The following CDH23 variants were observed in gnomAD, a reference collection of about 807,000 sequenced individuals.
The protein encoded by CDH23 is cadherin-23.
CDH23 carries 189 observed loss-of-function variants against 317.1 expected under a neutral mutation model. The ratio of observed to expected loss-of-function variants is 0.60; its 90% confidence interval spans 0.53 to 0.67. CDH23 has a LOEUF of 0.67. CDH23 is among the 30% of genes least tolerant of loss of function. The pLI, the probability that CDH23 is intolerant of heterozygous loss-of-function variation, is 0.00. For synonymous variants in CDH23, 1,839 were observed against 1,876.8 expected, an observed-to-expected ratio of 0.98 and a Z score of 0.52; for missense variants, 4,401 against 4,592.4, an observed-to-expected ratio of 0.96 and a Z score of 1.20.
chr10:71,593,546 C>T (rs1250343849), intron 9 of CDH23, among the ~76,000 whole-genome samples: 1 of 152,062 alleles, frequency 6.6e-6, no homozygotes, highest in Non-Finnish European at 1.5e-5. Context: ...GAAATTTTTG[C>T]AACAATTAAA....
intron 9 of CDH23, among the ~76,000 whole-genome samples, chr10:71,605,974 G>A (rs1365389655): frequency 6.6e-6 from 1 of 152,228 alleles, no homozygotes; most frequent in Non-Finnish European, 1.5e-5. Context: ...AACATCCTCA[G>A]AGGACCAGGG....
chr10:71,673,164 A>G (rs1864216443), intron 14 of CDH23, among the ~76,000 whole-genome samples: 2 of 152,136 alleles, frequency 1.3e-5, no homozygotes, highest in African/African-American at 4.8e-5. Context: ...TGAAGCATCT[A>G]CTGCATGCCA....
intron 6 of CDH23, among the ~76,000 whole-genome samples, chr10:71,533,525 C>CCCCACACACACACA (rs1249775933): frequency 9.9e-5 from 13 of 130,750 alleles, no homozygotes; most frequent in African/African-American, 3.6e-4. Flanking sequence ...TGGCTGGACA[C>CCCCACACACACACA]CACACACACA....
At chr10:71,464,402 G>A (rs1282481530) in intron 3 of CDH23, among the ~76,000 whole-genome samples, 1 of 152,204 alleles carries the variant, frequency 6.6e-6, no homozygotes, top group African/African-American at 2.4e-5. Flanking sequence ...AGCCAAGACT[G>A]AAATCCAAGG....
At position 71,577,887 on chromosome 10, in the gene CDH23, C is replaced by T. The variant is rs760084586; in HGVS notation, c.754-27C>T. The stretch of plus-strand genomic sequence containing the variant: ...AAAGACAGCAGCCAGGGGACCCAAA[C>T]TCAAGTCCCTCCTCTCTTCTGCCCA... On this transcript the variant is annotated intron_variant, in intron 8 of 69. Coordinates refer to ENST00000224721, the MANE Select transcript of CDH23 (RefSeq NM_022124.6). 79 of 1,564,428 alleles carry T rather than the reference C, an allele frequency of 5.0e-5. No homozygotes were observed. In the South Asian group the frequency reaches 7.9e-4, roughly 16 times the overall value.
At chr10:71,539,927 T>C (rs1164557389) in intron 6 of CDH23, among the ~76,000 whole-genome samples, 3 of 152,140 alleles carry the variant, frequency 2.0e-5, no homozygotes. Flanking sequence ...TCTTGTTAAA[T>C]GGTGGAAGAG....
chr10:71,603,113 C>T (rs1860325354), intron 9 of CDH23, among the ~76,000 whole-genome samples: 1 of 152,084 alleles, frequency 6.6e-6, no homozygotes, highest in Non-Finnish European at 1.5e-5. Context: ...AAGCTTCATC[C>T]CTGGGCCCAT....
intron 60 of CDH23, 86 bp from the exon 61 acceptor site, chr10:71,809,734 C>G (rs1023709449): frequency 1.3e-6 from 2 of 1,539,638 alleles, no homozygotes; most frequent in Middle Eastern, 1.7e-4. Context: ...CCTAGATGTG[C>G]CCACCTACCC....
chr10:71,786,276 C>G (rs1317581083), intron 44 of CDH23, among the ~76,000 whole-genome samples: 1 of 152,136 alleles, frequency 6.6e-6, no homozygotes, highest in Non-Finnish European at 1.5e-5. Flanking sequence ...TCAGCTCTGT[C>G]CTTCCAGCCC....
chr10:71,486,113 T>A (rs907982283), intron 3 of CDH23, among the ~76,000 whole-genome samples: 1 of 152,196 alleles, frequency 6.6e-6, no homozygotes, highest in African/African-American at 2.4e-5. Context: ...ACTTATTGAA[T>A]GGATAAATGG....
chr10:71,433,967 G>A (rs1239779475), intron 1 of CDH23, among the ~76,000 whole-genome samples: 4 of 151,878 alleles, frequency 2.6e-5, no homozygotes, highest in East Asian at 2.0e-4. Context: ...TTCATATCAC[G>A]TGTTTCCTCA....
At chr10:71,515,394 T>TCTCTCTCTCTCTCA (rs1491490493) in intron 6 of CDH23, among the ~76,000 whole-genome samples, 167 of 26,670 alleles carry the variant, frequency 6.3e-3, no homozygotes, top group African/African-American at 0.013. Context: ...TCTCTCTCTC[T>TCTCTCTCTCTCTCA]CACACACACA....
chr10:71,675,379 A>G (rs570849196), intron 15 of CDH23, among the ~76,000 whole-genome samples: 2 of 151,964 alleles, frequency 1.3e-5, no homozygotes, highest in African/African-American at 2.4e-5. Context: ...AGTCTCCTCA[A>G]CTCTCTGGGG....
At chr10:71,717,689 C>G (rs1866338176) in intron 28 of CDH23, 1 of 152,356 alleles carries the variant, frequency 6.6e-6, no homozygotes, top group African/African-American at 2.4e-5. Context: ...AGTGGAGGGG[C>G]CTCAGCCCAG....
At chr10:71,559,319 A>C (rs1409583431) in intron 6 of CDH23, among the ~76,000 whole-genome samples, 5 of 152,224 alleles carry the variant, frequency 3.3e-5, no homozygotes, top group Admixed American at 3.3e-4. Context: ...ACAAAAACAG[A>C]ATTAAATGGA....
chr10:71,763,170 TTTTA>T (rs1224755474), intron 38 of CDH23, among the ~76,000 whole-genome samples: 3 of 152,138 alleles, frequency 2.0e-5, no homozygotes, highest in Non-Finnish European at 4.4e-5. Flanking sequence ...TTGGTGTTAT[TTTTA>T]TTTATTTATT....
chr10:71,704,389 T>G lies in CDH23; in HGVS notation c.2734-522T>G, dbSNP rs527842158. On this transcript the variant is annotated intron_variant, in intron 24 of 69. Transcript: ENST00000224721. ...CTTGCCTGTGCATGGCCACAAACAG[T>G]TTTTTAAAAAAATAATAATAATGAA... Among the ~76,000 whole-genome samples the G allele has an allele frequency of 3.9e-5, 6 of 152,124 alleles. No individual in the cohort carries two copies. In the East Asian group the frequency reaches 9.7e-4, roughly 25 times the overall value.
rs1840850214 is a variant in CDH23 at position 71,777,744 on chromosome 10, C to G, written c.4910C>G (p.Pro1637Arg). The change falls in exon 39 of 70, where the codon CCC becomes CGC. Residue 1637 changes from proline (P) to arginine (R), a missense_variant. By Grantham distance (103) the Pro-to-Arg change is moderately radical. This residue lies in a region of CDH23 where 3,068 missense variants were observed against 3,203.3 expected (regional missense o/e 0.96). Transcript: ENST00000224721. ...ENDNAPMFQQ[P>R]HYEVLLDEGP... ...GATAACGCGCCCATGTTCCAGCAGCCCCACTATGAGGTGCTGCTGGATGAG... is the reference window on the plus strand; with the variant it reads ...GATAACGCGCCCATGTTCCAGCAGCGCCACTATGAGGTGCTGCTGGATGAG... The G allele has an allele frequency of 6.2e-7, 1 of 1,613,726 alleles. No homozygotes were observed. Among genetic ancestry groups the G allele is most frequent in the Non-Finnish European group, 8.5e-7 (1 of 1,179,800 alleles).
intron 1 of CDH23, among the ~76,000 whole-genome samples, chr10:71,427,246 G>GAAAGAAAGAAAGA (rs1193969874): frequency 2.3e-4 from 4 of 17,316 alleles, no homozygotes; most frequent in East Asian, 2.2e-3. Flanking sequence ...AGAAAGAAAG[G>GAAAGAAAGAAAGA]GAAAGAAAGA....
Sources: gnomAD v4.1 joint callset for allele counts (sites outside exome capture counted in the v4.1 genomes callset) on GRCh38, gnomAD v4.1.1 for gene constraint, gnomAD v4.1.1 regional missense constraint, MANE v1.5 for transcripts, NCBI Gene and HGNC (gene_info 2026-07-23, HGNC 2026-07-21) for gene names.